PREPL: variants seen among roughly 807,000 people sequenced by gnomAD.
The protein encoded by PREPL is prolyl endopeptidase like, also known as prolyl endopeptidase-like.
A neutral mutation model predicts 70.6 loss-of-function variants in PREPL; 77 were observed. That is an observed-to-expected ratio of 1.09 (90% CI 0.91 to 1.32). The LOEUF (loss-of-function observed/expected upper bound fraction) is 1.32, where lower values mean the gene tolerates loss of function less well. PREPL is among the 40% of genes most tolerant of loss of function. The probability of loss-of-function intolerance (pLI) is 0.00; values close to 1 mark genes in which losing one functional copy is unlikely to be tolerated. For missense variants in PREPL, 1,002 were observed against 778.2 expected (o/e 1.29, Z -3.42); for synonymous variants, 315 against 264.8 (o/e 1.19, Z -1.84).
chr2:44,320,571 G>A lies in PREPL; in HGVS notation c.*785C>T, dbSNP rs1256380855. 6 of 1,614,056 alleles carry A rather than the reference G, an allele frequency of 3.7e-6. No individual in the cohort carries two copies. Among genetic ancestry groups the A allele is most frequent in the Non-Finnish European group, 4.2e-6 (5 of 1,179,944 alleles). On this transcript the variant is annotated 3_prime_UTR_variant, in exon 14 of 14. Transcript: ENST00000409411. ...CCTTCATCGCCAAACAGCTTTCAGAGATAGATGCTTTGTTTCCAATCGAGC... is the reference window on the plus strand; with the variant it reads ...CCTTCATCGCCAAACAGCTTTCAGAAATAGATGCTTTGTTTCCAATCGAGC...
chr2:44,346,577 TA>T (rs35182028), intron 1 of PREPL, among the ~76,000 whole-genome samples, 187 bp from the exon 2 acceptor site: 6 of 152,104 alleles, frequency 3.9e-5, no homozygotes, highest in South Asian at 2.1e-4. Context: ...TCTTTTTCGT[TA>T]AAAAAAGTAA....
rs551975130 is a variant in PREPL at position 44,321,411 on chromosome 2, A to G, written c.1862T>C (p.Leu621Pro). 5 of 1,613,256 alleles carry G rather than the reference A, an allele frequency of 3.1e-6. No homozygotes were observed. The African/African-American group carries it at 6.7e-5, about 22-fold the overall frequency. The stretch of plus-strand genomic sequence containing the variant: ...GAAAACACTGGTGCTGTCAAGTCCA[A>G]GTTCCTCGTACAGGAATTTAATTTG... ...TAQIKFLYEE[L>P]GLDSTSVFED... Residue 621 changes from leucine to proline, a missense_variant, in exon 14 of 14, where the codon CTT becomes CCT. Leu to Pro is a moderately conservative substitution (Grantham distance 98). Coordinates refer to ENST00000409411, the MANE Select transcript of PREPL (RefSeq NM_001171613.2).
At chr2:44,347,162 C>G (rs1360530630) in intron 1 of PREPL, 2 of 152,000 alleles carry the variant, frequency 1.3e-5, no homozygotes, top group South Asian at 2.1e-4. Context: ...GAGACCCCGT[C>G]TCTATAAAAA....
rs202009058 is a variant in PREPL at position 44,326,704 on chromosome 2, G to T, written c.1479+8C>A. 1 of 1,608,318 alleles carries T rather than the reference G, an allele frequency of 6.2e-7. No homozygotes were observed. The highest frequency in any genetic ancestry group is 2.2e-5 in the East Asian group (1 of 44,870). On this transcript the variant is annotated splice_region_variant and intron_variant, in intron 10 of 13. Transcript: ENST00000409411. ...ATTCTATAAACAGTAGAGACAGAGC[G>T]TACTCACCTCCAAAGTCACCGCTCT... is the stretch of plus-strand genomic sequence containing the variant.
At chr2:44,350,752 A>T (rs1232700254) in intron 1 of PREPL, among the ~76,000 whole-genome samples, 2 of 152,160 alleles carry the variant, frequency 1.3e-5, no homozygotes, top group Non-Finnish European at 2.9e-5. Flanking sequence ...TGTCAAGGTC[A>T]CTCAATGGCT....
intron 1 of PREPL, among the ~76,000 whole-genome samples, chr2:44,350,414 T>G (rs1558515825): frequency 6.6e-6 from 1 of 152,118 alleles, no homozygotes; most frequent in African/African-American, 2.4e-5. Context: ...GATAAAACCT[T>G]AAATTAGGAA....
chr2:44,341,399 G>T (rs1319063290), intron 5 of PREPL, among the ~76,000 whole-genome samples: 1 of 152,000 alleles, frequency 6.6e-6, no homozygotes, highest in African/African-American at 2.4e-5. Context: ...TATTTTTACT[G>T]TTATTGCTTT....
At chr2:44,345,392 C>T (rs904701353) in intron 2 of PREPL, among the ~76,000 whole-genome samples, 5 of 151,862 alleles carry the variant, frequency 3.3e-5, no homozygotes, top group Non-Finnish European at 7.4e-5. Context: ...TGCTCTGTCA[C>T]CCAGGCTGGA....
At chr2:44,358,941 T>C (rs1218722212) in intron 1 of PREPL, among the ~76,000 whole-genome samples, 1 of 152,174 alleles carries the variant, frequency 6.6e-6, no homozygotes, top group East Asian at 1.9e-4. Context: ...TTCTAGGAAA[T>C]TTAGAAGGCC....
At chr2:44,357,094 G>C (rs1041838103) in intron 1 of PREPL, among the ~76,000 whole-genome samples, 15 of 152,240 alleles carry the variant, frequency 9.9e-5, no homozygotes, top group African/African-American at 3.6e-4. Flanking sequence ...GCGTGAGCCA[G>C]TATGCCTGAT....
rs767015012 is a variant in PREPL at position 44,338,495 on chromosome 2, C to T, written c.744G>A (p.Trp248Ter). The T allele has an allele frequency of 6.2e-7, 1 of 1,612,484 alleles. No individual in the cohort carries two copies. Among genetic ancestry groups the T allele is most frequent in the Non-Finnish European group, 8.5e-7 (1 of 1,179,568 alleles). ...TTCTCTTCATTGTAAAAAATAAATC[C>T]CAATTCATAATTGCAGGGGTATCAG... ...TAADTPAIMNWDLFFTMKRNT... is the reference protein window; with the variant it reads ...TAADTPAIMN The change falls in exon 7 of 14, where the codon TGG (tryptophan) becomes TGA (stop). Residue 248 changes from tryptophan (W) to a stop codon, truncating the protein, a stop_gained. Coordinates refer to ENST00000409411, the MANE Select transcript of PREPL (RefSeq NM_001171613.2). LOFTEE classifies it high-confidence loss of function.
At chr2:44,329,972 T>G (rs1673925652) in intron 8 of PREPL, among the ~76,000 whole-genome samples, 1 of 152,198 alleles carries the variant, frequency 6.6e-6, no homozygotes, top group African/African-American at 2.4e-5. Flanking sequence ...TCTTCATATT[T>G]TCATTCTCAT....
intron 7 of PREPL, among the ~76,000 whole-genome samples, chr2:44,333,267 C>T (rs1031604522): frequency 2.0e-5 from 3 of 152,160 alleles, no homozygotes; most frequent in African/African-American, 4.8e-5. Flanking sequence ...AGCTATTATA[C>T]TCAAGGTTCT....
rs769885236 is a variant in PREPL at position 44,332,601 on chromosome 2, C to A, written c.944G>T (p.Cys315Phe). The change falls in exon 8 of 14, where the codon TGC (cysteine) becomes TTC (phenylalanine). Residue 315 changes from cysteine (C) to phenylalanine (F), a missense_variant. Coordinates refer to ENST00000409411, the MANE Select transcript of PREPL (RefSeq NM_001171613.2). Reference sequence around the variant, plus strand: ...TATTGGAGAGCAAAGTTGAAAGGGGCAGTTCTTTGGGTCAGAATTTGTATC... The same window carrying A: ...TATTGGAGAGCAAAGTTGAAAGGGGAAGTTCTTTGGGTCAGAATTTGTATC... Reference protein sequence around the residue: ...IMDTNSDPKNCPFQLCSPIRP... With the variant: ...IMDTNSDPKNFPFQLCSPIRP... 9 of 1,613,766 alleles carry A rather than the reference C, an allele frequency of 5.6e-6. No homozygotes were observed. The highest frequency in any genetic ancestry group is 1.3e-5 in the African/African-American group (1 of 74,892).
chr2:44,320,752 C>A lies in PREPL; in HGVS notation c.*604G>T. 2 of 879,262 alleles carry A rather than the reference C, an allele frequency of 2.3e-6. No homozygotes were observed. Among genetic ancestry groups the A allele is most frequent in the Non-Finnish European group, 3.7e-6 (2 of 533,502 alleles). The allele number at this position is 879,262 out of a possible 1,614,324, so 54.5% of individuals were successfully genotyped here. A position where few individuals can be genotyped will look rare whatever the true frequency, so the allele number is the denominator to read the frequency against. ...AACAATCATTAATTCTTCGATATTT[C>A]TGTAGCTTGAATGTAACTGCTTTAA... On this transcript the variant is annotated 3_prime_UTR_variant, in exon 14 of 14. Transcript: ENST00000409411.
In PREPL at chr2:44,338,538, TACGTGGA is replaced by T. The variant is rs1444472109; in HGVS notation, c.703-9_703-3del. 4 of 1,597,718 alleles carry T rather than the reference TACGTGGA, an allele frequency of 2.5e-6. No individual in the cohort carries two copies. ...GGTATCAGCCGCTGTTCTCATTAGC[TACGTGGA>T]ACAAAGTTAGAAGACATATAGGTAA... On this transcript the variant is annotated splice_polypyrimidine_tract_variant and splice_region_variant and intron_variant, in intron 6 of 13. Coordinates refer to ENST00000409411, the MANE Select transcript of PREPL (RefSeq NM_001171613.2).
At chr2:44,354,174 A>G (rs375516754) in intron 1 of PREPL, among the ~76,000 whole-genome samples, 6 of 152,124 alleles carry the variant, frequency 3.9e-5, no homozygotes, top group African/African-American at 1.4e-4. Context: ...CAACAACAAA[A>G]AAAGTATCAA....
At chr2:44,348,664 C>T (rs1022991693) in intron 1 of PREPL, among the ~76,000 whole-genome samples, 1 of 152,114 alleles carries the variant, frequency 6.6e-6, no homozygotes, top group Non-Finnish European at 1.5e-5. Context: ...GTCATATATC[C>T]AAATAAACTG....
In PREPL at chr2:44,317,858, T is replaced by G; in HGVS notation, c.*3498A>C. 5.1e-6 allele frequency: 1 copy of G among 196,100 alleles called. No individual in the cohort carries two copies. Among genetic ancestry groups the G allele is most frequent in the Non-Finnish European group, 1.1e-5 (1 of 93,632 alleles). The allele number at this position is 196,100 out of a possible 1,614,324, so 12.1% of individuals were successfully genotyped here. On this transcript the variant is annotated 3_prime_UTR_variant, in exon 14 of 14. Transcript: ENST00000409411. ...TACAATAATTACAAATATGAATGGG[T>G]TAAATTAGCCTATTAAAAGATAAAA...
Sources: allele counts gnomAD v4.1 joint callset (sites outside exome capture counted in the v4.1 genomes callset), GRCh38; gene constraint gnomAD v4.1.1; transcripts MANE v1.5; gene names NCBI Gene and HGNC (gene_info 2026-07-23, HGNC 2026-07-21).